Variants in TMEM123 observed in about 807,000 individuals in gnomAD.
The protein encoded by TMEM123 is porimin.
TMEM123 carries 16 observed loss-of-function variants against 19.7 expected under a neutral mutation model. That is an observed-to-expected ratio of 0.81 (90% CI 0.55 to 1.23). The LOEUF is 1.23. Among genes scored for constraint, TMEM123 ranks in the 50% most tolerant of loss-of-function variants. TMEM123 has a pLI of 0.00. For synonymous variants in TMEM123, 118 were observed against 99.4 expected (o/e 1.19, Z -1.12); for missense variants, 313 against 257.8 (o/e 1.21, Z -1.47).
At chr11:102,428,696 T>C (rs892909311) in intron 2 of TMEM123, among the ~76,000 whole-genome samples, 24 of 152,122 alleles carry the variant, frequency 1.6e-4, no homozygotes, top group East Asian at 3.8e-4. Context: ...ATCTGGACAA[T>C]TACTTTATAA....
rs183307790 is a variant in TMEM123, at chr11:102,433,128, T to C, written c.157+15684A>G. Among the ~76,000 whole-genome samples, 408 of 151,998 alleles carry C rather than the reference T, an allele frequency of 2.7e-3. 6 individuals carry two copies. The highest frequency in any genetic ancestry group is 9.4e-3 in the African/African-American group (389 of 41,502). ...GGGTCCCCACTGGGGCACTGCCTAG[T>C]GGAGCTGTGAGAAGAGGGCCACTGT... is the stretch of plus-strand genomic sequence containing the variant. On this transcript the variant is annotated intron_variant, in intron 2 of 4. Transcript: ENST00000398136.
chr11:102,435,891 GATAA>G lies in TMEM123; in HGVS notation c.157+12917_157+12920del, dbSNP rs1250050359. 4.6e-5 allele frequency among the ~76,000 whole-genome samples: 7 copies of G among 151,920 alleles called. No homozygotes were observed. In the East Asian group the frequency reaches 9.6e-4, roughly 21 times the overall value. ...GGAACAGCAGGTAGGATAAGGGGGT[GATAA>G]ATAAAGAGCACAGGGTTTCTTTTTG... On this transcript the variant is annotated intron_variant, in intron 2 of 4. Transcript: ENST00000398136.
At chr11:102,409,344 A>T (rs953943444) in intron 2 of TMEM123, among the ~76,000 whole-genome samples, 1 of 152,172 alleles carries the variant, frequency 6.6e-6, no homozygotes, top group African/African-American at 2.4e-5. Flanking sequence ...GGAATTTTTT[A>T]AAACATGAAA....
In TMEM123 at chr11:102,399,919, G is replaced by A. The variant is rs549031487; in HGVS notation, c.603-1028C>T. 8.6e-5 allele frequency among the ~76,000 whole-genome samples: 13 copies of A among 151,798 alleles called. 1 individual carries two copies. In the South Asian group the frequency reaches 1.5e-3, roughly 17 times the overall value. ...CAGGAGGCAGAGGTTGCAGTGAGCC[G>A]AGATCGTGCCATTGCACTCCAGCCT... is the stretch of plus-strand genomic sequence containing the variant. On this transcript the variant is annotated intron_variant, in intron 4 of 4. Transcript: ENST00000398136.
chr11:102,426,509 T>A (rs973951277), intron 2 of TMEM123, among the ~76,000 whole-genome samples: 1 of 151,740 alleles, frequency 6.6e-6, no homozygotes, highest in Non-Finnish European at 1.5e-5. Flanking sequence ...GGAGTAGATG[T>A]GGGTCCTCAA....
intron 2 of TMEM123, among the ~76,000 whole-genome samples, chr11:102,407,597 T>A (rs535555514): frequency 5.9e-5 from 9 of 152,210 alleles, no homozygotes; most frequent in Non-Finnish European, 1.0e-4. Context: ...TCCATTATGG[T>A]TGGTGACCTT....
intron 2 of TMEM123, chr11:102,448,477 C>G: frequency 3.0e-6 from 1 of 336,812 alleles, no homozygotes; most frequent in Non-Finnish European, 5.8e-6. Flanking sequence ...TCAATAGGAC[C>G]TGCAGACTTC....
chr11:102,422,855 A>G (rs1164442308), intron 2 of TMEM123, among the ~76,000 whole-genome samples: 1 of 152,184 alleles, frequency 6.6e-6, no homozygotes, highest in African/African-American at 2.4e-5. Flanking sequence ...AAGATGTTTT[A>G]TGTTTCCATG....
intron 4 of TMEM123, among the ~76,000 whole-genome samples, chr11:102,399,451 T>C (rs934070465): frequency 2.0e-5 from 3 of 152,134 alleles, no homozygotes; most frequent in African/African-American, 7.2e-5. Context: ...GCACTCTGTT[T>C]AGTCATGGTT....
rs920347228 is a variant in TMEM123, at chr11:102,398,795, A to C, written c.*72T>G. 5 of 1,478,170 alleles carry C rather than the reference A, an allele frequency of 3.4e-6. No individual in the cohort carries two copies. The highest frequency in any genetic ancestry group is 4.7e-6 in the Non-Finnish European group (5 of 1,067,890). 91.6% of individuals were successfully genotyped at this position (1,478,170 alleles called of 1,614,324 possible). A position where few individuals can be genotyped will look rare whatever the true frequency, so the allele number is the denominator to read the frequency against. On this transcript the variant is annotated 3_prime_UTR_variant, in exon 5 of 5. Transcript: ENST00000398136. ...TTTTCAAAAAGAGAATATTGTTTTA[A>C]ACTATTAATAAACCAAAATTAATTG... is the stretch of plus-strand genomic sequence containing the variant.
chr11:102,450,754 G>C (rs1857929355), intron 1 of TMEM123, among the ~76,000 whole-genome samples: 1 of 152,180 alleles, frequency 6.6e-6, no homozygotes, highest in African/African-American at 2.4e-5. Flanking sequence ...AAATGGGGAC[G>C]ATACTGTGAG....
At chr11:102,434,591 T>C (rs1857744148) in intron 2 of TMEM123, among the ~76,000 whole-genome samples, 1 of 151,962 alleles carries the variant, frequency 6.6e-6, no homozygotes, top group Non-Finnish European at 1.5e-5. Flanking sequence ...TTCAGTTTGA[T>C]GTAATCTTGT....
chr11:102,418,594 G>A (rs1360923829), intron 2 of TMEM123, among the ~76,000 whole-genome samples: 1 of 152,222 alleles, frequency 6.6e-6, no homozygotes, highest in Non-Finnish European at 1.5e-5. Flanking sequence ...ACTGTGGAAA[G>A]CAGTTTGAAG....
chr11:102,402,307 T>A, intron 2 of TMEM123, 101 bp from the exon 3 acceptor site: 1 of 1,226,168 alleles, frequency 8.2e-7, no homozygotes, highest in Non-Finnish European at 1.1e-6. Context: ...CAAGAGATCT[T>A]ACAAATACAG....
chr11:102,398,759 T>G lies in TMEM123; in HGVS notation c.*108A>C, dbSNP rs1951882901. 1 of 1,096,730 alleles carries G rather than the reference T, an allele frequency of 9.1e-7. No homozygotes were observed. The highest frequency in any genetic ancestry group is 2.1e-5 in the Admixed American group (1 of 48,780). The allele number at this position is 1,096,730 out of a possible 1,614,324, so 67.9% of individuals were successfully genotyped here. A position where few individuals can be genotyped will look rare whatever the true frequency, so the allele number is the denominator to read the frequency against. On this transcript the variant is annotated 3_prime_UTR_variant, in exon 5 of 5. Coordinates refer to ENST00000398136, the MANE Select transcript of TMEM123 (RefSeq NM_052932.3). ...TACACTGTACATTATATGCATGGCC[T>G]GTTTATACTATTTTCAAAAAGAGAA...
Position 102,396,474 on chromosome 11 carries a change from ACT to A in TMEM123, c.*2391_*2392del, listed in dbSNP as rs1180718785. The A allele has an allele frequency of 3.9e-5, 6 of 152,114 alleles. No homozygotes were observed. Among genetic ancestry groups the A allele is most frequent in the South Asian group, 2.1e-4 (1 of 4,824 alleles). 9.4% of individuals were successfully genotyped at this position (152,114 alleles called of 1,614,324 possible). A position where few individuals can be genotyped will look rare whatever the true frequency, so the allele number is the denominator to read the frequency against. ...AAATTATCACTATAATATACTGCCAACTCTGTTTATCTGTATTTGAATTATTC... is the reference window on the plus strand; with the variant it reads ...AAATTATCACTATAATATACTGCCAACTGTTTATCTGTATTTGAATTATTC... On this transcript the variant is annotated 3_prime_UTR_variant, in exon 5 of 5. Transcript: ENST00000398136.
intron 2 of TMEM123, among the ~76,000 whole-genome samples, chr11:102,414,470 G>A (rs919503904): frequency 6.6e-6 from 1 of 152,182 alleles, no homozygotes; most frequent in Non-Finnish European, 1.5e-5. Flanking sequence ...AACTTACAGA[G>A]GGAACCCCAT....
At chr11:102,448,359 G>A (rs1301103754) in intron 2 of TMEM123, 2 of 448,842 alleles carry the variant, frequency 4.5e-6, no homozygotes, top group Non-Finnish European at 8.9e-6. Flanking sequence ...CTCACCAAGT[G>A]TTTGGGTTGA....
intron 2 of TMEM123, among the ~76,000 whole-genome samples, chr11:102,405,109 C>T (rs564237607): frequency 2.7e-4 from 41 of 150,872 alleles, no homozygotes; most frequent in African/African-American, 9.0e-4. Context: ...AGTGCAGTGG[C>T]GTGATCTCAG....
Sources: allele counts gnomAD v4.1 joint callset (sites outside exome capture counted in the v4.1 genomes callset), GRCh38; gene constraint gnomAD v4.1.1; transcripts MANE v1.5; gene names NCBI Gene and HGNC (gene_info 2026-07-23, HGNC 2026-07-21).